EVA1C: variants seen among roughly 807,000 people sequenced by gnomAD.
EVA1C encodes protein eva-1 homolog C.
Under a neutral mutation model 45.4 loss-of-function variants are expected in EVA1C, and 25 were observed. That is an observed-to-expected ratio of 0.55 (90% confidence interval 0.40 to 0.77). The LOEUF (loss-of-function observed/expected upper bound fraction) is 0.77, where lower values mean the gene tolerates loss of function less well. Among genes scored for constraint, EVA1C ranks in the 30% least tolerant of loss-of-function variants. EVA1C has a pLI of 0.00. For synonymous variants in EVA1C, 190 were observed against 221.2 expected (o/e 0.86, Z 1.25); for missense variants, 479 against 554.8 (o/e 0.86, Z 1.37).
At chr21:32,486,421 G>A (rs1051163861) in intron 4 of EVA1C, among the ~76,000 whole-genome samples, 6 of 152,096 alleles carry the variant, frequency 3.9e-5, no homozygotes, top group African/African-American at 1.4e-4. Context: ...CACCGCACCC[G>A]GCCCTTACTG....
At chr21:32,453,098 C>T (rs28446723) in intron 1 of EVA1C, 5 of 494,032 alleles carry the variant, frequency 1.0e-5, no homozygotes, top group East Asian at 5.9e-5. Flanking sequence ...CCCTGCCCCC[C>T]TTCCATGTCA....
chr21:32,503,859 G>T, intron 6 of EVA1C, 67 bp from the exon 7 acceptor site: 1 of 1,053,466 alleles, frequency 9.5e-7, no homozygotes. Flanking sequence ...GGAGCAGCAG[G>T]GGTGTCTTAG....
At chr21:32,484,968 TTGTTAA>T (rs141010119) in intron 4 of EVA1C, among the ~76,000 whole-genome samples, 217 of 152,246 alleles carry the variant, frequency 1.4e-3, no homozygotes, top group Non-Finnish European at 2.5e-3. Flanking sequence ...TGCACAAGCA[TTGTTAA>T]TGTGTTCTCC....
chr21:32,459,675 C>G lies in EVA1C; in HGVS notation c.481+1955C>G, dbSNP rs1397773881. Among the ~76,000 whole-genome samples the G allele has an allele frequency of 2.0e-5, 3 of 152,042 alleles. No individual in the cohort carries two copies. In the East Asian group the frequency reaches 5.8e-4, roughly 29 times the overall value. On this transcript the variant is annotated intron_variant, in intron 3 of 7. Coordinates refer to ENST00000300255, the MANE Select transcript of EVA1C (RefSeq NM_058187.5). ...TGACCAACATGGAGAAACCCCGTCT[C>G]TACTAAAAATATGAAATTAGCTGGG...
At chr21:32,434,795 C>A (rs1430724407) in intron 1 of EVA1C, among the ~76,000 whole-genome samples, 1 of 152,262 alleles carries the variant, frequency 6.6e-6, no homozygotes, top group Non-Finnish European at 1.5e-5. Flanking sequence ...TGGAGCGTGG[C>A]CCTGACAATG....
At chr21:32,451,344 C>T (rs1252122079) in intron 1 of EVA1C, among the ~76,000 whole-genome samples, 1 of 152,208 alleles carries the variant, frequency 6.6e-6, no homozygotes, top group Non-Finnish European at 1.5e-5. Flanking sequence ...CTCCCAGCCG[C>T]CTCGCTGTGA....
chr21:32,429,255 G>A (rs550123687), intron 1 of EVA1C, among the ~76,000 whole-genome samples: 1 of 152,152 alleles, frequency 6.6e-6, no homozygotes, highest in Non-Finnish European at 1.5e-5. Context: ...TGGCTAGGCA[G>A]GTCTTGAACT....
At chr21:32,481,210 C>T (rs1288555553) in intron 4 of EVA1C, among the ~76,000 whole-genome samples, 1 of 152,030 alleles carries the variant, frequency 6.6e-6, no homozygotes, top group Non-Finnish European at 1.5e-5. Context: ...CGTTAGACTT[C>T]TAAGATAAAT....
chr21:32,448,034 C>A (rs767298726), intron 1 of EVA1C, among the ~76,000 whole-genome samples: 2 of 152,174 alleles, frequency 1.3e-5, no homozygotes, highest in Admixed American at 1.3e-4. Flanking sequence ...CTTTTCCGAA[C>A]AAGCTTCTGT....
Position 32,453,366 on chromosome 21 carries a change from A to C in EVA1C, c.215A>C (p.Tyr72Ser), listed in dbSNP as rs1432676358. 1 of 1,611,164 alleles carries C rather than the reference A, an allele frequency of 6.2e-7. No homozygotes were observed. Among genetic ancestry groups the C allele is most frequent in the East Asian group, 2.2e-5 (1 of 44,868 alleles). Residue 72 changes from tyrosine to serine, a missense_variant, in exon 2 of 8, where the codon TAT becomes TCT. By Grantham distance (144) the Tyr-to-Ser change is moderately radical. Coordinates refer to ENST00000300255, the MANE Select transcript of EVA1C (RefSeq NM_058187.5). ...NHTTYACDGD[Y>S]LNLQCPRHST... ...ACCACCTATGCCTGTGATGGGGACTATTTGAATCTACAGTGCCCTCGGCAT... is the reference window on the plus strand; with the variant it reads ...ACCACCTATGCCTGTGATGGGGACTCTTTGAATCTACAGTGCCCTCGGCAT...
At chr21:32,494,942 T>C (rs1403851483) in intron 4 of EVA1C, 85 bp from the exon 5 acceptor site, 3 of 1,372,684 alleles carry the variant, frequency 2.2e-6, no homozygotes, top group African/African-American at 2.9e-5. Flanking sequence ...CAGCTCAGCA[T>C]ATTTATTTAC....
chr21:32,457,972 T>C (rs2035851627), intron 3 of EVA1C, among the ~76,000 whole-genome samples: 1 of 152,224 alleles, frequency 6.6e-6, no homozygotes, highest in South Asian at 2.1e-4. Context: ...ATTTTAAAAA[T>C]CCTTTCCAAT....
chr21:32,455,874 G>A (rs2035760570), intron 2 of EVA1C, among the ~76,000 whole-genome samples: 1 of 152,078 alleles, frequency 6.6e-6, no homozygotes, highest in Admixed American at 6.5e-5. Flanking sequence ...AGGTCAAGAA[G>A]TCCTTTACTT....
intron 7 of EVA1C, among the ~76,000 whole-genome samples, chr21:32,511,538 G>A (rs181342048): frequency 4.6e-4 from 70 of 151,928 alleles, no homozygotes; most frequent in Admixed American, 7.2e-4. Context: ...TACATGACAT[G>A]AGCCAGCATT....
At chr21:32,487,526 C>G (rs2037011182) in intron 4 of EVA1C, among the ~76,000 whole-genome samples, 1 of 152,072 alleles carries the variant, frequency 6.6e-6, no homozygotes, top group Admixed American at 6.5e-5. Context: ...TCAAGACCAG[C>G]CTGGCCAACA....
At chr21:32,463,769 T>C (rs1436434548) in intron 3 of EVA1C, among the ~76,000 whole-genome samples, 1 of 146,902 alleles carries the variant, frequency 6.8e-6, no homozygotes, top group Non-Finnish European at 1.5e-5. Flanking sequence ...AACTTTTAAA[T>C]ATTTTGATTT....
At chr21:32,416,290 C>A (rs2034038233) in intron 1 of EVA1C, among the ~76,000 whole-genome samples, 1 of 143,522 alleles carries the variant, frequency 7.0e-6, no homozygotes, top group African/African-American at 2.5e-5. Flanking sequence ...CTCCCTGCTT[C>A]TTTCCTTTCT....
rs181817817 is a variant in EVA1C at position 32,495,780 on chromosome 21, C to T, written c.778+610C>T. 1.3e-3 allele frequency among the ~76,000 whole-genome samples: 200 copies of T among 152,308 alleles called. 2 individuals carry two copies. Among genetic ancestry groups the T allele is most frequent in the African/African-American group, 1.9e-4 (8 of 41,576 alleles). On this transcript the variant is annotated intron_variant, in intron 5 of 7. Coordinates refer to ENST00000300255, the MANE Select transcript of EVA1C (RefSeq NM_058187.5). ...TTCATAAAGCCACGTAAAAGCAAAT[C>T]AGCAGTTTATTATTTTCTGAGGATA...
chr21:32,446,232 GAA>G lies in EVA1C; in HGVS notation c.161-7070_161-7069del, dbSNP rs35135277. 2.8e-5 allele frequency among the ~76,000 whole-genome samples: 4 copies of G among 144,068 alleles called. No individual in the cohort carries two copies. In the East Asian group the frequency reaches 6.1e-4, roughly 22 times the overall value. The allele number at this position is 144,068 out of a possible 152,430, so 94.5% of individuals were successfully genotyped here. A position where few individuals can be genotyped will look rare whatever the true frequency, so the allele number is the denominator to read the frequency against. ...CACTCCAGCCTGGGTGACAGAAAAA[GAA>G]AAAAAAAAAGAGTCCACATCCTCTC... is the stretch of plus-strand genomic sequence containing the variant. On this transcript the variant is annotated intron_variant, in intron 1 of 7. Coordinates refer to ENST00000300255, the MANE Select transcript of EVA1C (RefSeq NM_058187.5).
Sources: gnomAD v4.1 joint callset for allele counts (sites outside exome capture counted in the v4.1 genomes callset) on GRCh38, gnomAD v4.1.1 for gene constraint, MANE v1.5 for transcripts, NCBI Gene and HGNC (gene_info 2026-07-23, HGNC 2026-07-21) for gene names.